Variants in SCOC observed in about 807,000 individuals in gnomAD.
SCOC encodes short coiled coil protein.
SCOC carries 7 observed loss-of-function variants against 9.9 expected under a neutral mutation model. The observed-to-expected ratio is 0.71, with a 90% CI of 0.40 to 1.33. The LOEUF (loss-of-function observed/expected upper bound fraction) is 1.33, where lower values mean the gene tolerates loss of function less well. SCOC is among the 40% of genes most tolerant of loss of function. The pLI, the probability that SCOC is intolerant of heterozygous loss-of-function variation, is 0.01. For missense variants in SCOC, 66 were observed against 89.7 expected, an observed-to-expected ratio of 0.74 and a Z score of 1.07; for synonymous variants, 19 against 28.2, an observed-to-expected ratio of 0.67 and a Z score of 1.03.
At chr4:140,279,401 T>C (rs1008294936) in intron 1 of SCOC, among the ~76,000 whole-genome samples, 14 of 152,230 alleles carry the variant, frequency 9.2e-5, no homozygotes, top group African/African-American at 3.4e-4. Context: ...ACTTTGTTTC[T>C]GCTTTGTATT....
chr4:140,278,910 T>C (rs1295206797), intron 1 of SCOC, among the ~76,000 whole-genome samples: 2 of 140,710 alleles, frequency 1.4e-5, no homozygotes. Flanking sequence ...GAACCAATCA[T>C]GTCGTCCTCC....
chr4:140,287,364 A>G (rs1244389779), intron 1 of SCOC, among the ~76,000 whole-genome samples: 1 of 152,016 alleles, frequency 6.6e-6, no homozygotes, highest in East Asian at 1.9e-4. Flanking sequence ...CATGCCACAC[A>G]GATCACGAAC....
Position 140,363,614 on chromosome 4 carries a change from G to A in SCOC, c.71-15507G>A, listed in dbSNP as rs529148163. Among the ~76,000 whole-genome samples the A allele has an allele frequency of 4.6e-5, 7 of 152,318 alleles. No individual in the cohort carries two copies. In the South Asian group the frequency reaches 8.3e-4, roughly 18 times the overall value. On this transcript the variant is annotated intron_variant, in intron 2 of 4. Coordinates refer to the SCOC transcript ENST00000338517. ...AAATGTAAACAAATGTACAGATGCTGTATTAAACCATAAGTGCATAAAATT... is the reference window on the plus strand; with the variant it reads ...AAATGTAAACAAATGTACAGATGCTATATTAAACCATAAGTGCATAAAATT...
At chr4:140,347,666 CAG>C (rs1277382901) in intron 2 of SCOC, among the ~76,000 whole-genome samples, 3 of 152,138 alleles carry the variant, frequency 2.0e-5, no homozygotes, top group African/African-American at 7.2e-5. Flanking sequence ...GACTCTAAAA[CAG>C]AAATCGCAAA....
At chr4:140,356,329 G>A (rs1420154394) in intron 2 of SCOC, among the ~76,000 whole-genome samples, 2 of 152,230 alleles carry the variant, frequency 1.3e-5, no homozygotes, top group East Asian at 3.9e-4. Context: ...TCTTACAAAC[G>A]AAGACTTTCT....
At chr4:140,295,067 C>T (rs1224180787) in intron 1 of SCOC, among the ~76,000 whole-genome samples, 1 of 152,198 alleles carries the variant, frequency 6.6e-6, no homozygotes, top group Admixed American at 6.5e-5. Context: ...TATCTTCTGT[C>T]AAGTAACCAT....
At chr4:140,371,693 CT>C (rs1233184722), upstream of SCOC, among the ~76,000 whole-genome samples, 1 of 152,080 alleles carries the variant, frequency 6.6e-6, no homozygotes, top group Non-Finnish European at 1.5e-5. Flanking sequence ...GTCAATACCA[CT>C]TTTTTAAAAG....
intron 1 of SCOC, among the ~76,000 whole-genome samples, chr4:140,289,079 C>A (rs1198902147): frequency 6.6e-6 from 1 of 152,176 alleles, no homozygotes; most frequent in African/African-American, 2.4e-5. Flanking sequence ...AACACAGATG[C>A]TAGGAGACAC....
At chr4:140,299,466 G>C (rs992387427) in intron 1 of SCOC, among the ~76,000 whole-genome samples, 4 of 152,114 alleles carry the variant, frequency 2.6e-5, no homozygotes, top group Non-Finnish European at 5.9e-5. Flanking sequence ...CTGTTCAGCT[G>C]CCAGTGGGAA....
chr4:140,368,049 C>A (rs150036463), intron 2 of SCOC, among the ~76,000 whole-genome samples: 2 of 152,322 alleles, frequency 1.3e-5, no homozygotes, highest in Admixed American at 6.5e-5. Flanking sequence ...GTGACTAACT[C>A]CCTGCAGTCT....
intron 1 of SCOC, among the ~76,000 whole-genome samples, chr4:140,333,670 GGA>G (rs137882648): frequency 0.019 from 2,884 of 152,130 alleles, 109 homozygotes; most frequent in African/African-American, 0.066. Flanking sequence ...AGCAGAACTG[GGA>G]GTCTTGGAAG....
intron 2 of SCOC, among the ~76,000 whole-genome samples, chr4:140,348,261 C>G (rs1403283369): frequency 1.3e-5 from 2 of 152,098 alleles, no homozygotes; most frequent in Non-Finnish European, 2.9e-5. Flanking sequence ...TAAATTTATT[C>G]ATCTTGTCGA....
At chr4:140,362,116 C>G (rs938988959) in intron 2 of SCOC, among the ~76,000 whole-genome samples, 3 of 151,610 alleles carry the variant, frequency 2.0e-5, no homozygotes, top group East Asian at 2.0e-4. Flanking sequence ...AGTTTTCTGC[C>G]TTCACTGAAG....
At chr4:140,337,676 T>G (rs1732994764) in intron 1 of SCOC, among the ~76,000 whole-genome samples, 1 of 152,090 alleles carries the variant, frequency 6.6e-6, no homozygotes, top group African/African-American at 2.4e-5. Context: ...TAAACACCTC[T>G]ATGCAAATAA....
At chr4:140,317,029 G>A (rs1327171426) in intron 1 of SCOC, among the ~76,000 whole-genome samples, 2 of 152,084 alleles carry the variant, frequency 1.3e-5, no homozygotes, top group Admixed American at 6.6e-5. Context: ...ATGGAGACTC[G>A]TTGTTTTCGT....
chr4:140,283,916 G>A (rs1348505113), intron 1 of SCOC: 1 of 152,178 alleles, frequency 6.6e-6, no homozygotes, highest in Non-Finnish European at 1.5e-5. Context: ...TGTCCAGTTT[G>A]AATAATGTAG....
intron 1 of SCOC, among the ~76,000 whole-genome samples, chr4:140,335,266 C>T (rs1324742838): frequency 6.6e-6 from 1 of 152,202 alleles, no homozygotes; most frequent in Non-Finnish European, 1.5e-5. Flanking sequence ...TGGATCCCAG[C>T]TCTGCCACTT....
intron 2 of SCOC, among the ~76,000 whole-genome samples, chr4:140,358,461 T>C (rs937491249): frequency 6.6e-6 from 1 of 152,200 alleles, no homozygotes; most frequent in Non-Finnish European, 1.5e-5. Context: ...CAGCTAGCTG[T>C]GGTAACATTG....
intron 1 of SCOC, among the ~76,000 whole-genome samples, chr4:140,275,204 T>TAC (rs534995307): frequency 2.8e-4 from 43 of 152,378 alleles, no homozygotes; most frequent in African/African-American, 1.0e-3. Flanking sequence ...TTTCCCTATA[T>TAC]ACACAGATAT....
Sources: allele counts gnomAD v4.1 joint callset (sites outside exome capture counted in the v4.1 genomes callset), GRCh38; gene constraint gnomAD v4.1.1; transcripts MANE v1.5; gene names NCBI Gene and HGNC (gene_info 2026-07-23, HGNC 2026-07-21).